The following DNAH10 variants were observed in gnomAD, a reference collection of about 807,000 sequenced individuals.
DNAH10 encodes the protein dynein axonemal heavy chain 10, also known as axonemal beta dynein heavy chain 10.
DNAH10 carries 348 observed loss-of-function variants against 506.6 expected under a neutral mutation model. The observed-to-expected ratio is 0.69, with a 90% CI of 0.63 to 0.75. The LOEUF (loss-of-function observed/expected upper bound fraction) is 0.75, where lower values mean the gene tolerates loss of function less well. Among genes scored for constraint, DNAH10 ranks in the 30% least tolerant of loss-of-function variants. The pLI, the probability that DNAH10 is intolerant of heterozygous loss-of-function variation, is 0.00. For missense variants in DNAH10, 5,179 were observed against 5,787.1 expected (o/e 0.89, Z 3.41); for synonymous variants, 2,059 against 2,198.6 (o/e 0.94, Z 1.78).
chr12:123,865,654 A>T (rs563230462), intron 40 of DNAH10, among the ~76,000 whole-genome samples: 1 of 152,152 alleles, frequency 6.6e-6, no homozygotes, highest in East Asian at 1.9e-4. Flanking sequence ...GGGTGGTGGG[A>T]TTTGGATAAC....
chr12:123,866,865 G>A (rs574937792), intron 41 of DNAH10, among the ~76,000 whole-genome samples: 1 of 152,320 alleles, frequency 6.6e-6, no homozygotes, highest in East Asian at 1.9e-4. Flanking sequence ...AGTCACGTGC[G>A]GGTTGTGGCT....
At chr12:123,929,972 T>G (rs1371687344) in intron 72 of DNAH10, 1 of 606,296 alleles carries the variant, frequency 1.6e-6, no homozygotes, top group African/African-American at 1.9e-5. Flanking sequence ...GATCCATGGC[T>G]GGGGATCCAG....
At chr12:123,803,168 T>C (rs942829998) in intron 16 of DNAH10, among the ~76,000 whole-genome samples, 1 of 152,192 alleles carries the variant, frequency 6.6e-6, no homozygotes, top group African/African-American at 2.4e-5. Flanking sequence ...TCCTTGTGTT[T>C]TGTTTCTAAA....
At chr12:123,840,105 C>T (rs1483553498) in intron 29 of DNAH10, among the ~76,000 whole-genome samples, 2 of 151,836 alleles carry the variant, frequency 1.3e-5, no homozygotes, top group Non-Finnish European at 2.9e-5. Context: ...ACGTAGCATC[C>T]CTGACCACAA....
rs779003111 is a variant in DNAH10 at position 123,898,749 on chromosome 12, T to A, written c.9575T>A (p.Val3192Glu). ...LNQKLAEQKI[V>E]LAEKSAACEA... ...CAGAAGCTGGCCGAGCAGAAGATCG[T>A]GCTGGCGGAGAAGTCCGCCGCCTGC... Residue 3192 changes from valine to glutamate, a missense_variant, in exon 56 of 79, where the codon GTG (valine) becomes GAG (glutamate). Physicochemically the swap from Val to Glu is moderately radical, Grantham distance 121. Around this residue, in one of 3 missense-constraint regions of DNAH10, gnomAD observed 4,844 missense variants for 5,430.5 expected, o/e 0.89. Transcript: ENST00000673944. 1 of 1,612,118 alleles carries A rather than the reference T, an allele frequency of 6.2e-7. No homozygotes were observed. The highest frequency in any genetic ancestry group is 2.2e-5 in the East Asian group (1 of 44,816).
At position 123,925,293 on chromosome 12, in the gene DNAH10, G is replaced by T; in HGVS notation, c.11921+89G>T. 1 of 1,575,606 alleles carries T rather than the reference G, an allele frequency of 6.3e-7. No homozygotes were observed. Among genetic ancestry groups the T allele is most frequent in the South Asian group, 1.1e-5 (1 of 87,208 alleles). On this transcript the variant is annotated intron_variant, in intron 68 of 78. Transcript: ENST00000673944. The surrounding 1 kb of genome is among the most constrained non-coding windows in gnomAD (Gnocchi z 4.0). ...CTTGGACTCAAAGAAAGCAGAGGCTGACCAGCTCCCGAGACAGCTGTCGCC... is the reference window on the plus strand; with the variant it reads ...CTTGGACTCAAAGAAAGCAGAGGCTTACCAGCTCCCGAGACAGCTGTCGCC...
intron 14 of DNAH10, 47 bp downstream of exon 14, chr12:123,799,418 C>T (rs544101233): frequency 5.1e-6 from 8 of 1,574,374 alleles, no homozygotes; most frequent in Middle Eastern, 1.9e-4. Flanking sequence ...GAGACGATGG[C>T]GTCTGCCACA....
intron 28 of DNAH10, among the ~76,000 whole-genome samples, chr12:123,838,033 T>C (rs1170849184): frequency 6.6e-6 from 1 of 152,188 alleles, no homozygotes; most frequent in African/African-American, 2.4e-5. Flanking sequence ...TTTTCTGCTA[T>C]GATGAAGAAT....
intron 76 of DNAH10, among the ~76,000 whole-genome samples, chr12:123,932,882 T>C (rs1332661064): frequency 2.6e-5 from 4 of 152,232 alleles, no homozygotes; most frequent in African/African-American, 9.6e-5. Flanking sequence ...ATCTTTCTCA[T>C]TGATGTTTAA....
intron 5 of DNAH10, among the ~76,000 whole-genome samples, chr12:123,775,130 T>C (rs1957391795): frequency 6.6e-6 from 1 of 152,188 alleles, no homozygotes; most frequent in African/African-American, 2.4e-5. Context: ...ATTTTTATTG[T>C]TTTTCGAGAC....
chr12:123,767,454 C>T (rs1957090096), intron 1 of DNAH10, among the ~76,000 whole-genome samples, 152 bp from the exon 2 acceptor site: 1 of 152,320 alleles, frequency 6.6e-6, no homozygotes, highest in African/African-American at 2.4e-5. Flanking sequence ...TGGCTCCATC[C>T]AGTAAGGAAT....
chr12:123,813,832 A>G lies in DNAH10; in HGVS notation c.3700A>G (p.Arg1234Gly). ...TGTCCTTGCAACAATTGCAGAAATT[A>G]GAAGTAAATCTCTAGTCATGGAACT... ...KFVLATIAEI[R>G]SKSLVMELRY... Residue 1234 changes from arginine (R) to glycine (G), a missense_variant, in exon 21 of 79, where the codon AGA becomes GGA. Coordinates refer to ENST00000673944, the MANE Select transcript of DNAH10 (RefSeq NM_001372106.1). 2 of 1,613,566 alleles carry G rather than the reference A, an allele frequency of 1.2e-6. No homozygotes were observed. Among genetic ancestry groups the G allele is most frequent in the Non-Finnish European group, 1.7e-6 (2 of 1,179,804 alleles).
intron 65 of DNAH10, among the ~76,000 whole-genome samples, chr12:123,922,460 G>C (rs555940449): frequency 2.2e-4 from 33 of 152,322 alleles, no homozygotes; most frequent in Non-Finnish European, 4.4e-4. Flanking sequence ...TTAGGAAGCA[G>C]AGGGTGGGTA....
chr12:123,825,946 C>T (rs1959938369), intron 24 of DNAH10, among the ~76,000 whole-genome samples: 1 of 151,970 alleles, frequency 6.6e-6, no homozygotes, highest in Non-Finnish European at 1.5e-5. Context: ...CCTAGCAAGA[C>T]CCCCTGTCTC....
rs1371303216 is a variant in DNAH10 at position 123,913,317 on chromosome 12, T to A, written c.10352+2T>A. The A allele has an allele frequency of 1.3e-6, 2 of 1,585,032 alleles. No individual in the cohort carries two copies. Among genetic ancestry groups the A allele is most frequent in the Admixed American group, 1.8e-5 (1 of 56,046 alleles). Reference sequence around the variant, plus strand: ...GGGTCTGGGGTCAGAAAACATCAGGTTAGCGCTGCTCACGAGCCCACCTGT... The same window carrying A: ...GGGTCTGGGGTCAGAAAACATCAGGATAGCGCTGCTCACGAGCCCACCTGT... On this transcript the variant is annotated splice_donor_variant, in intron 60 of 78. Transcript: ENST00000673944. LOFTEE classifies it high-confidence loss of function. The surrounding 1 kb of genome is among the most constrained non-coding windows in gnomAD (Gnocchi z 5.1).
Position 123,857,266 on chromosome 12 carries a change from C to A in DNAH10, c.6630+19C>A. The A allele has an allele frequency of 2.6e-6, 4 of 1,531,758 alleles. No individual in the cohort carries two copies. The highest frequency in any genetic ancestry group is 1.8e-6 in the Non-Finnish European group (2 of 1,133,032). 94.9% of individuals were successfully genotyped at this position (1,531,758 alleles called of 1,614,324 possible). A position where few individuals can be genotyped will look rare whatever the true frequency, so the allele number is the denominator to read the frequency against. On this transcript the variant is annotated intron_variant, in intron 37 of 78. Coordinates refer to ENST00000673944, the MANE Select transcript of DNAH10 (RefSeq NM_001372106.1). The stretch of plus-strand genomic sequence containing the variant: ...CATCCAGGTAAAGCCAGGAAAATGA[C>A]CTCACTGTGGCCGTGCATCCTTTCC...
Position 123,914,428 on chromosome 12 carries a change from C to T in DNAH10, c.10452C>T (p.Thr3484=), listed in dbSNP as rs1395735906. The change falls in exon 61 of 79, where the codon ACC becomes ACT. Residue 3484 remains threonine, a synonymous_variant. Coordinates refer to ENST00000673944, the MANE Select transcript of DNAH10 (RefSeq NM_001372106.1). ...TCCTCAGCTACGAGGGAGCCTTCAC[C>T]TGGGAGTTCCGTGACGAGATGGTCA... is the stretch of plus-strand genomic sequence containing the variant. ...AAFLSYEGAF[T]WEFRDEMVNR... The T allele has an allele frequency of 4.3e-6, 7 of 1,613,776 alleles. No homozygotes were observed. Among genetic ancestry groups the T allele is most frequent in the South Asian group, 3.3e-5 (3 of 91,084 alleles).
intron 55 of DNAH10, 64 bp from the exon 56 acceptor site, chr12:123,898,589 C>G (rs1953363814): frequency 7.0e-7 from 1 of 1,426,012 alleles, no homozygotes; most frequent in East Asian, 2.7e-5. Context: ...TTAGGCAAAT[C>G]TCAGTGATTG....
intron 25 of DNAH10, among the ~76,000 whole-genome samples, chr12:123,827,497 G>A (rs1960114905): frequency 6.6e-6 from 1 of 152,214 alleles, no homozygotes; most frequent in Non-Finnish European, 1.5e-5. Context: ...ATACTGATGG[G>A]ATAGCCAGCC....
Sources: allele counts gnomAD v4.1 joint callset (sites outside exome capture counted in the v4.1 genomes callset), GRCh38; gene constraint gnomAD v4.1.1; regional missense constraint gnomAD v4.1.1; non-coding constraint Gnocchi (gnomAD v3.1); transcripts MANE v1.5; gene names NCBI Gene and HGNC (gene_info 2026-07-23, HGNC 2026-07-21).